Variants in SLIT3 observed in about 807,000 individuals in gnomAD.
The protein encoded by SLIT3 is slit guidance ligand 3, also known as slit homolog 3 protein.
In SLIT3, 68 loss-of-function variants were observed where a neutral mutation model predicts 184.0. The observed-to-expected ratio is 0.37, with a 90% CI of 0.30 to 0.45. SLIT3 has a LOEUF of 0.45. Among genes scored for constraint, SLIT3 ranks in the 20% least tolerant of loss-of-function variants. SLIT3 has a pLI of 1.00. For missense variants in SLIT3, 1,707 were observed against 2,026.0 expected, an observed-to-expected ratio of 0.84 and a Z score of 3.02; for synonymous variants, 831 against 828.6, an observed-to-expected ratio of 1.00 and a Z score of -0.05.
intron 6 of SLIT3, among the ~76,000 whole-genome samples, chr5:168,831,335 G>T (rs1189491470): frequency 6.6e-6 from 1 of 151,866 alleles, no homozygotes; most frequent in Non-Finnish European, 1.5e-5. Context: ...GGAGAGGTGA[G>T]ACAAGGGTGG....
At chr5:168,919,860 A>C (rs1348851789) in intron 4 of SLIT3, among the ~76,000 whole-genome samples, 5 of 152,228 alleles carry the variant, frequency 3.3e-5, no homozygotes, top group African/African-American at 1.2e-4. Context: ...GTGAGAACAC[A>C]TAAAAAAGGG....
chr5:168,701,035 A>G (rs915161278), intron 26 of SLIT3, among the ~76,000 whole-genome samples: 1 of 152,286 alleles, frequency 6.6e-6, no homozygotes, highest in Admixed American at 6.5e-5. Context: ...GCTCCATCCC[A>G]TCTGGGTTGG....
At chr5:169,003,970 C>A (rs540769361) in intron 4 of SLIT3, among the ~76,000 whole-genome samples, 1 of 152,222 alleles carries the variant, frequency 6.6e-6, no homozygotes, top group South Asian at 2.1e-4. Flanking sequence ...AAAACCCAGG[C>A]CCCTGCTGAC....
chr5:168,800,717 G>A (rs1379473357), intron 9 of SLIT3, among the ~76,000 whole-genome samples: 1 of 152,232 alleles, frequency 6.6e-6, no homozygotes, highest in Non-Finnish European at 1.5e-5. Flanking sequence ...TGTGCTGTGT[G>A]TAGACACCTG....
At chr5:168,675,291 G>C (rs1316553842) in intron 32 of SLIT3, among the ~76,000 whole-genome samples, 1 of 152,166 alleles carries the variant, frequency 6.6e-6, no homozygotes, top group Non-Finnish European at 1.5e-5. Flanking sequence ...CCAGCAGGGG[G>C]TGGCACTGAT....
intron 4 of SLIT3, among the ~76,000 whole-genome samples, chr5:169,094,653 C>T (rs547188571): frequency 1.3e-5 from 2 of 152,160 alleles, no homozygotes; most frequent in Non-Finnish European, 2.9e-5. Context: ...AGCCCTTATC[C>T]ACTCACTATG....
intron 9 of SLIT3, among the ~76,000 whole-genome samples, chr5:168,801,327 T>C (rs1017930511): frequency 1.3e-5 from 2 of 152,206 alleles, no homozygotes; most frequent in Non-Finnish European, 2.9e-5. Context: ...TTTAATTCTG[T>C]GTGTCTTTTA....
chr5:168,977,443 A>T (rs995967024), intron 4 of SLIT3, among the ~76,000 whole-genome samples: 1 of 152,152 alleles, frequency 6.6e-6, no homozygotes, highest in African/African-American at 2.4e-5. Context: ...TTACCTTTTG[A>T]GGAACTTCCT....
intron 6 of SLIT3, among the ~76,000 whole-genome samples, chr5:168,840,318 T>A (rs1417978378): frequency 2.0e-5 from 3 of 152,222 alleles, no homozygotes; most frequent in Non-Finnish European, 4.4e-5. Flanking sequence ...CAAGGGACAA[T>A]GTCCAAAAGT....
At chr5:169,217,327 G>T (rs999745559) in intron 3 of SLIT3, among the ~76,000 whole-genome samples, 2 of 152,198 alleles carry the variant, frequency 1.3e-5, no homozygotes, top group African/African-American at 4.8e-5. Flanking sequence ...CTCTCCACTT[G>T]TAAGCAGGGC....
At chr5:169,024,562 C>T (rs149048582) in intron 4 of SLIT3, 6 of 152,288 alleles carry the variant, frequency 3.9e-5, no homozygotes, top group Admixed American at 6.5e-5. Context: ...CCTGCTGCTT[C>T]CTTGGTTTCC....
chr5:169,186,102 A>G (rs1763323403), intron 4 of SLIT3, among the ~76,000 whole-genome samples: 1 of 152,190 alleles, frequency 6.6e-6, no homozygotes, highest in Admixed American at 6.5e-5. Flanking sequence ...TTAAGGCTGA[A>G]ATGCCCCTGA....
At chr5:168,834,578 G>A (rs1487066778) in intron 6 of SLIT3, among the ~76,000 whole-genome samples, 1 of 151,000 alleles carries the variant, frequency 6.6e-6, no homozygotes, top group Non-Finnish European at 1.5e-5. Context: ...TGTAATTCCA[G>A]CTACTCAGGA....
At chr5:168,926,290 G>A (rs975949452) in intron 4 of SLIT3, among the ~76,000 whole-genome samples, 2 of 152,254 alleles carry the variant, frequency 1.3e-5, no homozygotes, top group Non-Finnish European at 2.9e-5. Context: ...CCCAGAGCAG[G>A]ACGGATGCGT....
chr5:168,912,743 A>G (rs1318774441), intron 4 of SLIT3, among the ~76,000 whole-genome samples: 1 of 152,112 alleles, frequency 6.6e-6, no homozygotes, highest in Non-Finnish European at 1.5e-5. Flanking sequence ...GGGTTTGCCC[A>G]TGGTCCCTCC....
intron 4 of SLIT3, among the ~76,000 whole-genome samples, chr5:169,096,944 T>G (rs1472461517): frequency 1.3e-5 from 2 of 152,088 alleles, no homozygotes; most frequent in African/African-American, 2.4e-5. Flanking sequence ...GGAGAAGAGG[T>G]AGAGTGCAGA....
intron 12 of SLIT3, among the ~76,000 whole-genome samples, chr5:168,783,526 G>A (rs935723604): frequency 4.6e-5 from 7 of 152,200 alleles, no homozygotes; most frequent in Admixed American, 6.5e-5. Flanking sequence ...GGGCCACTTC[G>A]TGTGGCAGAG....
intron 3 of SLIT3, among the ~76,000 whole-genome samples, chr5:169,194,609 TA>T (rs1299036385): frequency 6.6e-6 from 1 of 152,160 alleles, no homozygotes; most frequent in Non-Finnish European, 1.5e-5. Flanking sequence ...TAGAAGAAAT[TA>T]AAACATTTTC....
chr5:169,211,299 CCT>C (rs1333184281), intron 3 of SLIT3, among the ~76,000 whole-genome samples: 2 of 152,190 alleles, frequency 1.3e-5, no homozygotes, highest in Non-Finnish European at 1.5e-5. Context: ...GACTGGTTCC[CCT>C]GTTTCTGCTT....
Sources: allele counts gnomAD v4.1 joint callset (sites outside exome capture counted in the v4.1 genomes callset), GRCh38; gene constraint gnomAD v4.1.1; transcripts MANE v1.5; gene names NCBI Gene and HGNC (gene_info 2026-07-23, HGNC 2026-07-21).